Variants in PRR5L observed in about 807,000 individuals in gnomAD.
The protein encoded by PRR5L is proline-rich protein 5-like.
In PRR5L, 21 loss-of-function variants were observed where a neutral mutation model predicts 36.4. That is an observed-to-expected ratio of 0.58 (90% CI 0.41 to 0.83). PRR5L has a LOEUF of 0.83. Ranked by LOEUF, PRR5L falls within the 40% of genes least tolerant of loss-of-function variation. PRR5L has a pLI of 0.00. For missense variants in PRR5L, 381 were observed against 473.3 expected, an observed-to-expected ratio of 0.80 and a Z score of 1.81; for synonymous variants, 188 against 197.0, an observed-to-expected ratio of 0.95 and a Z score of 0.38.
intron 1 of PRR5L, among the ~76,000 whole-genome samples, chr11:36,400,484 G>A (rs149180886): frequency 1.3e-5 from 2 of 152,276 alleles, no homozygotes; most frequent in African/African-American, 4.8e-5. Context: ...AATGAGTGAA[G>A]GAACAGCAGG....
chr11:36,460,138 G>A (rs997248287), intron 8 of PRR5L, among the ~76,000 whole-genome samples: 11 of 152,208 alleles, frequency 7.2e-5, no homozygotes, highest in Non-Finnish European at 1.3e-4. Context: ...CTTAAAAAGG[G>A]ACAAAATGCA....
intron 1 of PRR5L, among the ~76,000 whole-genome samples, chr11:36,300,169 T>A (rs780579729): frequency 1.1e-4 from 16 of 152,156 alleles, no homozygotes; most frequent in Admixed American, 5.9e-4. Flanking sequence ...TACCTGAGAC[T>A]GGGTAATTTT....
chr11:36,461,732 G>GT (rs1481191847), intron 8 of PRR5L, among the ~76,000 whole-genome samples: 1 of 152,210 alleles, frequency 6.6e-6, no homozygotes, highest in Non-Finnish European at 1.5e-5. Context: ...GCTAAAGGCT[G>GT]TTTGAGTCCA....
At chr11:36,435,949 A>T (rs527394240) in intron 5 of PRR5L, among the ~76,000 whole-genome samples, 1 of 152,312 alleles carries the variant, frequency 6.6e-6, no homozygotes, top group South Asian at 2.1e-4. Context: ...TCCATTCCCA[A>T]TCCCGTTCCA....
chr11:36,462,260 CT>C, intron 8 of PRR5L, 81 bp from the exon 9 acceptor site: 1 of 1,384,788 alleles, frequency 7.2e-7, no homozygotes, highest in South Asian at 1.6e-5. Context: ...GCACCTTGTT[CT>C]TTTCCCCCAG....
chr11:36,302,058 G>T (rs1237215446), intron 1 of PRR5L, among the ~76,000 whole-genome samples: 3 of 152,190 alleles, frequency 2.0e-5, no homozygotes, highest in Non-Finnish European at 1.5e-5. Context: ...GGAGTTTACT[G>T]TACTGTTATT....
At chr11:36,432,210 G>T (rs890277879) in intron 5 of PRR5L, among the ~76,000 whole-genome samples, 1 of 149,584 alleles carries the variant, frequency 6.7e-6, no homozygotes, top group Non-Finnish European at 1.5e-5. Flanking sequence ...TGGGATGCAG[G>T]CTGGTGGTCA....
intron 1 of PRR5L, among the ~76,000 whole-genome samples, chr11:36,319,661 T>A (rs1264885826): frequency 6.8e-6 from 1 of 146,992 alleles, no homozygotes. Flanking sequence ...AGATCCCTCA[T>A]CTAAGACGAC....
intron 1 of PRR5L, chr11:36,396,028 C>A (rs1204923876): frequency 2.6e-5 from 4 of 152,120 alleles, no homozygotes; most frequent in Non-Finnish European, 5.9e-5. Flanking sequence ...CTATGCCTGG[C>A]CTATTATTAT....
At chr11:36,451,174 C>A (rs1026743944) in intron 7 of PRR5L, 35 bp from the exon 8 acceptor site, 12 of 1,611,588 alleles carry the variant, frequency 7.4e-6, no homozygotes, top group Non-Finnish European at 1.0e-5. Flanking sequence ...GCAATGAACA[C>A]TGACCTTTGT....
intron 7 of PRR5L, among the ~76,000 whole-genome samples, chr11:36,449,052 C>T (rs1376347521): frequency 6.6e-6 from 1 of 152,220 alleles, no homozygotes; most frequent in Non-Finnish European, 1.5e-5. Flanking sequence ...TCTGGCATCA[C>T]TTCCCCTGAG....
intron 6 of PRR5L, among the ~76,000 whole-genome samples, chr11:36,440,330 G>T (rs959639619): frequency 6.6e-6 from 1 of 152,094 alleles, no homozygotes; most frequent in South Asian, 2.1e-4. Context: ...TCCTTGGCCC[G>T]GTTAAACTCA....
At chr11:36,458,792 C>T (rs1859117717) in intron 8 of PRR5L, among the ~76,000 whole-genome samples, 1 of 152,202 alleles carries the variant, frequency 6.6e-6, no homozygotes, top group African/African-American at 2.4e-5. Context: ...GTTTGCTTTC[C>T]TCTTGGAAAG....
At chr11:36,433,809 C>T (rs1858549918) in intron 5 of PRR5L, among the ~76,000 whole-genome samples, 1 of 152,212 alleles carries the variant, frequency 6.6e-6, no homozygotes, top group Admixed American at 6.5e-5. Context: ...TCCCAAAGTG[C>T]TGGGATTACA....
chr11:36,463,518 T>G lies in PRR5L; in HGVS notation c.*782T>G, dbSNP rs1398666729. ...AAGAAGCTGGTGCCTCTTGTCTCTC[T>G]CATTTCAGAAACGGACTTTCTCATC... is the stretch of plus-strand genomic sequence containing the variant. On this transcript the variant is annotated 3_prime_UTR_variant, in exon 9 of 9. Transcript: ENST00000530639. The G allele has an allele frequency of 6.6e-6, 1 of 152,550 alleles. No homozygotes were observed. Among genetic ancestry groups the G allele is most frequent in the East Asian group, 1.9e-4 (1 of 5,192 alleles). The allele number at this position is 152,550 out of a possible 1,614,324, so 9.4% of individuals were successfully genotyped here.
chr11:36,374,041 T>A (rs1857223994), intron 1 of PRR5L, among the ~76,000 whole-genome samples: 1 of 149,378 alleles, frequency 6.7e-6, no homozygotes, highest in African/African-American at 2.5e-5. Context: ...AGATAATAAT[T>A]TTTTCCTCCT....
intron 3 of PRR5L, among the ~76,000 whole-genome samples, chr11:36,413,285 G>A (rs1010527082): frequency 6.6e-6 from 1 of 152,140 alleles, no homozygotes; most frequent in Non-Finnish European, 1.5e-5. Context: ...ACCAGCTTGA[G>A]GCAGGTCTGG....
chr11:36,304,371 G>A (rs776739968), intron 1 of PRR5L, among the ~76,000 whole-genome samples: 9 of 152,152 alleles, frequency 5.9e-5, no homozygotes, highest in Non-Finnish European at 1.0e-4. Context: ...TATACCAAAT[G>A]GCAAAAATCC....
At chr11:36,351,533 ATAAATATATATTTATATATATT>A (rs1856957841) in intron 1 of PRR5L, among the ~76,000 whole-genome samples, 1 of 15,770 alleles carries the variant, frequency 6.3e-5, no homozygotes, top group East Asian at 5.0e-3. Flanking sequence ...ATATATTTAT[ATAAATATATATTTATATATATT>A]TATATATTTA....
Sources: allele counts gnomAD v4.1 joint callset (sites outside exome capture counted in the v4.1 genomes callset), GRCh38; gene constraint gnomAD v4.1.1; transcripts MANE v1.5; gene names NCBI Gene and HGNC (gene_info 2026-07-23, HGNC 2026-07-21).